Variants in FDFT1 observed in about 807,000 individuals in gnomAD.
FDFT1 encodes squalene synthase.
FDFT1 carries 68 observed loss-of-function variants against 46.8 expected under a neutral mutation model. That is an observed-to-expected ratio of 1.45 (90% confidence interval 1.19 to 1.78). The LOEUF (loss-of-function observed/expected upper bound fraction) is 1.78, where lower values mean the gene tolerates loss of function less well. FDFT1 is among the 40% of genes most tolerant of loss of function. FDFT1 has a pLI of 0.00. For missense variants in FDFT1, 928 were observed against 524.4 expected, an observed-to-expected ratio of 1.77 and a Z score of -7.52; for synonymous variants, 351 against 185.1, an observed-to-expected ratio of 1.90 and a Z score of -7.28.
intron 3 of FDFT1, among the ~76,000 whole-genome samples, chr8:11,819,190 G>C (rs563980175): frequency 2.0e-5 from 3 of 152,294 alleles, no homozygotes; most frequent in African/African-American, 7.2e-5. Context: ...CTCTCTTCTG[G>C]CTAGTAGGGT....
At chr8:11,816,135 C>T (rs1042689548) in intron 3 of FDFT1, among the ~76,000 whole-genome samples, 1 of 152,186 alleles carries the variant, frequency 6.6e-6, no homozygotes, top group African/African-American at 2.4e-5. Context: ...ATCCTTTCTC[C>T]ATTGCTTGTT....
chr8:11,795,912 A>C (rs372292782), exon 1 of FDFT1: 1 of 152,514 alleles, frequency 6.6e-6, no homozygotes, highest in Non-Finnish European at 1.5e-5. Flanking sequence ...GCCTTTAAGA[A>C]CTGTAACACT....
intron 3 of FDFT1, among the ~76,000 whole-genome samples, chr8:11,821,155 C>G (rs1236815575): frequency 1.3e-5 from 2 of 152,224 alleles, no homozygotes; most frequent in Admixed American, 6.5e-5. Context: ...CTCCCAAAAA[C>G]TTAAACCCAG....
rs1208356807 is a variant in FDFT1, at chr8:11,821,667, T to C, written c.382-83T>C. ...ATGAACCATTGCAGTCATGATTAATTCCGCCATTGTTTGCCTTGTGATCTT... is the reference window on the plus strand; with the variant it reads ...ATGAACCATTGCAGTCATGATTAATCCCGCCATTGTTTGCCTTGTGATCTT... On this transcript the variant is annotated intron_variant, in intron 3 of 7. Coordinates refer to ENST00000220584, the MANE Select transcript of FDFT1 (RefSeq NM_004462.5). 4.1e-6 allele frequency: 6 copies of C among 1,477,518 alleles called. No homozygotes were observed. In the African/African-American group the frequency reaches 8.3e-5, roughly 21 times the overall value. 91.5% of individuals were successfully genotyped at this position (1,477,518 alleles called of 1,614,324 possible). A position where few individuals can be genotyped will look rare whatever the true frequency, so the allele number is the denominator to read the frequency against.
chr8:11,820,239 C>G (rs982370151), intron 3 of FDFT1, among the ~76,000 whole-genome samples: 2 of 152,120 alleles, frequency 1.3e-5, no homozygotes, highest in African/African-American at 4.8e-5. Flanking sequence ...GGACACCCAC[C>G]TATATGAGGT....
intron 7 of FDFT1, among the ~76,000 whole-genome samples, chr8:11,833,519 T>C (rs924514925): frequency 2.0e-5 from 3 of 152,264 alleles, no homozygotes; most frequent in Non-Finnish European, 2.9e-5. Flanking sequence ...TTAAACACTT[T>C]GTGGCCAATT....
At chr8:11,816,479 A>T (rs930355048) in intron 3 of FDFT1, among the ~76,000 whole-genome samples, 1 of 152,238 alleles carries the variant, frequency 6.6e-6, no homozygotes, top group Admixed American at 6.5e-5. Flanking sequence ...TTTTCACGAT[A>T]CTGATTCTTC....
At chr8:11,812,544 G>A (rs1807874609) in intron 3 of FDFT1, among the ~76,000 whole-genome samples, 1 of 152,140 alleles carries the variant, frequency 6.6e-6, no homozygotes, top group Non-Finnish European at 1.5e-5. Context: ...AAACTCTGAG[G>A]GACTAAGAAT....
chr8:11,828,443 AG>A (rs1440424931), intron 5 of FDFT1, among the ~76,000 whole-genome samples: 2 of 152,218 alleles, frequency 1.3e-5, no homozygotes, highest in African/African-American at 4.8e-5. Flanking sequence ...AGAGAAGGGA[AG>A]GGGATTGTCT....
intron 1 of FDFT1, chr8:11,808,354 G>A: frequency 1.6e-6 from 2 of 1,235,042 alleles, no homozygotes; most frequent in Non-Finnish European, 2.0e-6. Flanking sequence ...CGCCGGTGCG[G>A]AGCGGGAGGC....
rs762551365 is a variant in FDFT1 at position 11,802,807 on chromosome 8, C to G, written c.-26C>G. On this transcript the variant is annotated 5_prime_UTR_variant, in exon 1 of 8. Transcript: ENST00000220584. ...GGGGACCGCAGAGGTGAGAGTCGCG[C>G]CCGGGAGTCCGCCGCCTGCGCCAGG... The G allele has an allele frequency of 5.1e-6, 8 of 1,581,220 alleles. No individual in the cohort carries two copies. In the Admixed American group the frequency reaches 1.1e-4, roughly 21 times the overall value.
intron 4 of FDFT1, among the ~76,000 whole-genome samples, chr8:11,825,367 C>T (rs1035892570): frequency 7.2e-5 from 11 of 151,874 alleles, no homozygotes; most frequent in Non-Finnish European, 1.5e-4. Context: ...CATGGTGAAA[C>T]CCCGTCTCTA....
intron 5 of FDFT1, among the ~76,000 whole-genome samples, chr8:11,828,887 C>T (rs890501877): frequency 6.6e-6 from 1 of 152,172 alleles, no homozygotes; most frequent in Non-Finnish European, 1.5e-5. Flanking sequence ...GTGGATAGAC[C>T]ACATTTATCC....
rs1320649403 is a variant in FDFT1 at position 11,809,773 on chromosome 8, T to C, written c.304T>C (p.Ser102Pro). 1 of 1,614,046 alleles carries C rather than the reference T, an allele frequency of 6.2e-7. No homozygotes were observed. Among genetic ancestry groups the C allele is most frequent in the African/African-American group, 1.3e-5 (1 of 74,918 alleles). ...GGTCCCGCTGTTACACAACTTTCAC[T>C]CTTTCCTTTACCAACCAGACTGGCG... ...KKVPLLHNFH[S>P]FLYQPDWRFM... The change falls in exon 3 of 8, where the codon TCT becomes CCT. Residue 102 changes from serine (S) to proline (P), a missense_variant. Coordinates refer to ENST00000220584, the MANE Select transcript of FDFT1 (RefSeq NM_004462.5).
intron 1 of FDFT1, among the ~76,000 whole-genome samples, chr8:11,796,800 C>G (rs1186039346): frequency 6.6e-6 from 1 of 152,206 alleles, no homozygotes; most frequent in Non-Finnish European, 1.5e-5. Flanking sequence ...GGCCTTAGCC[C>G]ATGAGGGTTC....
chr8:11,834,375 C>T (rs886355970), intron 7 of FDFT1, among the ~76,000 whole-genome samples: 7 of 152,224 alleles, frequency 4.6e-5, no homozygotes, highest in Non-Finnish European at 1.0e-4. Flanking sequence ...CTCAGCCAAA[C>T]GGCCAGAAAC....
chr8:11,837,747 T>A (rs1057324017), intron 7 of FDFT1, among the ~76,000 whole-genome samples: 5 of 152,010 alleles, frequency 3.3e-5, no homozygotes, highest in Admixed American at 3.3e-4. Flanking sequence ...TTTGGGAATT[T>A]AAGCTTAGAC....
intron 6 of FDFT1, 110 bp downstream of exon 6, chr8:11,830,530 T>A (rs1585991399): frequency 2.6e-6 from 2 of 769,632 alleles, no homozygotes; most frequent in East Asian, 2.5e-5. Context: ...AAAAAGACGA[T>A]GACTCCAGTT....
upstream of FDFT1, among the ~76,000 whole-genome samples, chr8:11,801,506 G>T (rs1242579322): frequency 6.6e-6 from 1 of 152,182 alleles, no homozygotes; most frequent in Admixed American, 6.5e-5. Context: ...TTTTAGTAGA[G>T]ACGCAGTTTC....
Sources: allele counts gnomAD v4.1 joint callset (sites outside exome capture counted in the v4.1 genomes callset), GRCh38; gene constraint gnomAD v4.1.1; transcripts MANE v1.5; gene names NCBI Gene and HGNC (gene_info 2026-07-23, HGNC 2026-07-21).